MAPKBP1: variants seen among roughly 807,000 people sequenced by gnomAD.
MAPKBP1 encodes mitogen-activated protein kinase binding protein 1.
Under a neutral mutation model 170.5 loss-of-function variants are expected in MAPKBP1, and 71 were observed. That is an observed-to-expected ratio of 0.42 (90% confidence interval 0.34 to 0.51). The LOEUF is 0.51. Ranked by LOEUF, MAPKBP1 falls within the 20% of genes least tolerant of loss-of-function variation. The probability of loss-of-function intolerance (pLI) is 0.06; values close to 1 mark genes in which losing one functional copy is unlikely to be tolerated. For missense variants in MAPKBP1, 1,598 were observed against 1,933.0 expected (o/e 0.83, Z 3.25); for synonymous variants, 719 against 757.9 (o/e 0.95, Z 0.84).
chr15:41,800,650 A>T (rs2064575813), intron 3 of MAPKBP1, among the ~76,000 whole-genome samples: 1 of 149,016 alleles, frequency 6.7e-6, no homozygotes, highest in Admixed American at 6.7e-5. Context: ...CCTATCAGTC[A>T]CTTTTCATTC....
rs201385662 is a variant in MAPKBP1 at position 41,815,842 on chromosome 15, G to A, written c.1493+43G>A. 226 of 1,575,232 alleles carry A rather than the reference G, an allele frequency of 1.4e-4. 1 individual carries two copies. The highest frequency in any genetic ancestry group is 5.6e-4 in the South Asian group (49 of 87,352). On this transcript the variant is annotated intron_variant, in intron 12 of 30. Transcript: ENST00000457542. ...GTGGGTACTGACTGCCTCTCATGGT[G>A]CAGAGTTGGGTATTTAGAACTTTAG...
At chr15:41,788,593 A>G (rs906097416) in intron 2 of MAPKBP1, among the ~76,000 whole-genome samples, 3 of 152,208 alleles carry the variant, frequency 2.0e-5, no homozygotes, top group Non-Finnish European at 4.4e-5. Flanking sequence ...GTAGGATTTC[A>G]GTATAGGGTA....
At chr15:41,824,426 G>A in intron 29 of MAPKBP1, 58 bp from the exon 30 acceptor site, 1 of 1,468,830 alleles carries the variant, frequency 6.8e-7, no homozygotes, top group Middle Eastern at 2.0e-4. Flanking sequence ...TGTCTTGGGT[G>A]CGGAGGCCTG....
chr15:41,801,780 G>T (rs1237850949), intron 3 of MAPKBP1, among the ~76,000 whole-genome samples: 1 of 152,080 alleles, frequency 6.6e-6, no homozygotes, highest in Non-Finnish European at 1.5e-5. Flanking sequence ...AACCCAGGAG[G>T]TGGAGGTTGC....
At chr15:41,803,082 T>C (rs998454130) in intron 3 of MAPKBP1, among the ~76,000 whole-genome samples, 1 of 152,128 alleles carries the variant, frequency 6.6e-6, no homozygotes, top group African/African-American at 2.4e-5. Flanking sequence ...GAGCAACTAT[T>C]ATCACCCTCA....
intron 2 of MAPKBP1, among the ~76,000 whole-genome samples, chr15:41,778,042 T>TC (rs1325165482): frequency 8.5e-5 from 13 of 152,182 alleles, no homozygotes; most frequent in Admixed American, 8.5e-4. Flanking sequence ...CTGTGACTAG[T>TC]CCCCCACCTT....
In MAPKBP1 at chr15:41,786,777, A is replaced by AAAAAATATATAT; in HGVS notation, c.114+11389_114+11390insAAAATATATATA. ...CAGACTCCGTCTAAAAAAAAAAAAAAATATATATATATATATATATATATA... is the reference window on the plus strand; with the variant it reads ...CAGACTCCGTCTAAAAAAAAAAAAAAAAAAATATATATATATATATATATATATATATATATA... On this transcript the variant is annotated intron_variant, in intron 2 of 30. Transcript: ENST00000457542. 1.5e-3 allele frequency among the ~76,000 whole-genome samples: 49 copies of AAAAAATATATAT among 32,412 alleles called. 1 individual carries two copies. Among genetic ancestry groups the AAAAAATATATAT allele is most frequent in the Non-Finnish European group, 1.7e-3 (30 of 17,996 alleles). 21.3% of individuals were successfully genotyped at this position (32,412 alleles called of 152,430 possible). A position where few individuals can be genotyped will look rare whatever the true frequency, so the allele number is the denominator to read the frequency against.
At chr15:41,814,461 G>A in intron 9 of MAPKBP1, 89 bp from the exon 10 acceptor site, 1 of 1,300,918 alleles carries the variant, frequency 7.7e-7, no homozygotes, top group Non-Finnish European at 1.1e-6. Flanking sequence ...TCCAGGGAGG[G>A]CTCCTCACAC....
Position 41,822,272 on chromosome 15 carries a change from C to A in MAPKBP1, c.3079C>A (p.Leu1027Ile). 1 of 1,614,052 alleles carries A rather than the reference C, an allele frequency of 6.2e-7. No individual in the cohort carries two copies. The highest frequency in any genetic ancestry group is 8.5e-7 in the Non-Finnish European group (1 of 1,180,002). Residue 1027 changes from leucine (L) to isoleucine (I), a missense_variant, in exon 26 of 31, where the codon CTT (leucine) becomes ATT (isoleucine). By Grantham distance (5) the Leu-to-Ile change is conservative (BLOSUM62 2). This residue lies in a region of MAPKBP1 where 942 missense variants were observed against 953.2 expected (regional missense o/e 0.99). Transcript: ENST00000457542. ...CAGTGTGGATGGCATCTCCTCAGAC[C>A]TTGAAGAGCCAGCTGAGGGTGATGA... ...PLSVDGISSD[L>I]EEPAEGDEEE...
intron 22 of MAPKBP1, among the ~76,000 whole-genome samples, 163 bp from the exon 23 acceptor site, chr15:41,820,669 G>A (rs1204403171): frequency 6.6e-6 from 1 of 152,198 alleles, no homozygotes; most frequent in East Asian, 1.9e-4. Flanking sequence ...CTCCTCATCT[G>A]TAAAACAAGG....
Position 41,817,326 on chromosome 15 carries a change from G to A in MAPKBP1, c.1712-62G>A. The A allele has an allele frequency of 6.5e-7, 1 of 1,536,480 alleles. No homozygotes were observed. Among genetic ancestry groups the A allele is most frequent in the Non-Finnish European group, 9.0e-7 (1 of 1,109,372 alleles). ...TGGGGGATCTCATGGAGGGAAGGTGGGAGGCAGGCTGCTCCCATGTGGTGA... is the reference window on the plus strand; with the variant it reads ...TGGGGGATCTCATGGAGGGAAGGTGAGAGGCAGGCTGCTCCCATGTGGTGA... On this transcript the variant is annotated intron_variant, in intron 14 of 30. Transcript: ENST00000457542. The surrounding 1 kb of genome is among the most constrained non-coding windows in gnomAD (Gnocchi z 4.2).
intron 27 of MAPKBP1, 65 bp downstream of exon 27, chr15:41,822,742 TCTC>T: frequency 6.3e-7 from 1 of 1,576,834 alleles, no homozygotes. Context: ...GCTGCTGCCC[TCTC>T]CTCTCCAGTG....
In MAPKBP1 at chr15:41,822,949, C is replaced by G. The variant is rs1395946211; in HGVS notation, c.3325C>G (p.Pro1109Ala). The change falls in exon 28 of 31, where the codon CCA becomes GCA. Residue 1109 changes from proline (P) to alanine (A), a missense_variant. Physicochemically the swap from Pro to Ala is conservative, Grantham distance 27 (BLOSUM62 -1). Around this residue, in one of 6 missense-constraint regions of MAPKBP1, gnomAD observed 942 missense variants for 953.2 expected, o/e 0.99. Coordinates refer to ENST00000457542, the MANE Select transcript of MAPKBP1 (RefSeq NM_014994.3). Reference sequence around the variant, plus strand: ...ATGTTCTCCCTGTAGGGAACCATCCCCATCCTCCTCAAGCCTGGCACTGAT... The same window carrying G: ...ATGTTCTCCCTGTAGGGAACCATCCGCATCCTCCTCAAGCCTGGCACTGAT... ...VQTRPLREPS[P>A]SSSSLALMSR... The G allele has an allele frequency of 1.2e-5, 20 of 1,608,558 alleles. No individual in the cohort carries two copies. Among genetic ancestry groups the G allele is most frequent in the Non-Finnish European group, 1.7e-5 (20 of 1,176,056 alleles).
chr15:41,789,129 A>T (rs1339218453), intron 2 of MAPKBP1, among the ~76,000 whole-genome samples: 1 of 152,172 alleles, frequency 6.6e-6, no homozygotes, highest in Non-Finnish European at 1.5e-5. Context: ...CCAGATAAGG[A>T]ACAGTTAATA....
rs2064947364 is a variant in MAPKBP1 at position 41,819,384 on chromosome 15, G to A, written c.2425+5G>A. 7 of 1,613,874 alleles carry A rather than the reference G, an allele frequency of 4.3e-6. No individual in the cohort carries two copies. The highest frequency in any genetic ancestry group is 1.1e-5 in the South Asian group (1 of 91,082). ...AGAGTACCAAGAAGGCACTGGGTCT[G>A]TGGCAGTTGGGTGTGGGGGCAGACA... On this transcript the variant is annotated splice_donor_5th_base_variant and intron_variant, in intron 21 of 30. Coordinates refer to ENST00000457542, the MANE Select transcript of MAPKBP1 (RefSeq NM_014994.3).
At chr15:41,791,093 A>T (rs2064388154) in intron 2 of MAPKBP1, among the ~76,000 whole-genome samples, 1 of 152,148 alleles carries the variant, frequency 6.6e-6, no homozygotes, top group Non-Finnish European at 1.5e-5. Flanking sequence ...TGCCTTGGAC[A>T]GGTCTCTGAC....
rs2064921463 is a variant in MAPKBP1 at position 41,817,946 on chromosome 15, C to T, written c.1905-63C>T. ...GACTGGGAGTGAAAGCTGGCATTTC[C>T]ATCCCCCAGGCGTGTTCCACCTTCA... On this transcript the variant is annotated intron_variant, in intron 16 of 30. Coordinates refer to ENST00000457542, the MANE Select transcript of MAPKBP1 (RefSeq NM_014994.3). The surrounding 1 kb of genome is among the most constrained non-coding windows in gnomAD (Gnocchi z 4.2). 6.4e-7 allele frequency: 1 copy of T among 1,563,496 alleles called. No homozygotes were observed. The highest frequency in any genetic ancestry group is 1.7e-5 in the Admixed American group (1 of 59,930).
chr15:41,820,251 G>A (rs1218866822), intron 22 of MAPKBP1, among the ~76,000 whole-genome samples: 1 of 152,160 alleles, frequency 6.6e-6, no homozygotes, highest in Non-Finnish European at 1.5e-5. Context: ...ATGCTGTGGT[G>A]TCTCTGGAGC....
At position 41,818,747 on chromosome 15, in the gene MAPKBP1, C is replaced by T; in HGVS notation, c.2157-76C>T. ...AGGGTGGCTCTGGTCTCCTTGCCAT[C>T]CATGGATAAGGGGAACGAATGGCGC... On this transcript the variant is annotated intron_variant, in intron 19 of 30. Coordinates refer to ENST00000457542, the MANE Select transcript of MAPKBP1 (RefSeq NM_014994.3). The surrounding 1 kb of genome is among the most constrained non-coding windows in gnomAD (Gnocchi z 5.2). 1 of 1,586,430 alleles carries T rather than the reference C, an allele frequency of 6.3e-7. No individual in the cohort carries two copies. Among genetic ancestry groups the T allele is most frequent in the Non-Finnish European group, 8.6e-7 (1 of 1,161,218 alleles).
Sources: allele counts gnomAD v4.1 joint callset (sites outside exome capture counted in the v4.1 genomes callset), GRCh38; gene constraint gnomAD v4.1.1; regional missense constraint gnomAD v4.1.1; non-coding constraint Gnocchi (gnomAD v3.1); transcripts MANE v1.5; gene names NCBI Gene and HGNC (gene_info 2026-07-23, HGNC 2026-07-21).